IMPG2: variants seen among roughly 807,000 people sequenced by gnomAD.
The protein encoded by IMPG2 is interphotoreceptor matrix proteoglycan 2.
In IMPG2, 91 loss-of-function variants were observed where a neutral mutation model predicts 129.2. The observed-to-expected ratio is 0.70, with a 90% CI of 0.59 to 0.84. The LOEUF is 0.84. Among genes scored for constraint, IMPG2 ranks in the 40% least tolerant of loss-of-function variants. The probability of loss-of-function intolerance (pLI) is 0.00; values close to 1 mark genes in which losing one functional copy is unlikely to be tolerated. For synonymous variants in IMPG2, 510 were observed against 517.7 expected, an observed-to-expected ratio of 0.99 and a Z score of 0.20; for missense variants, 1,430 against 1,461.7, an observed-to-expected ratio of 0.98 and a Z score of 0.35.
At position 101,257,586 on chromosome 3, in the gene IMPG2, A is replaced by T. The variant is rs767581266; in HGVS notation, c.1096T>A (p.Phe366Ile). Residue 366 changes from phenylalanine to isoleucine, a missense_variant, in exon 10 of 19, where the codon TTT (phenylalanine) becomes ATT (isoleucine). Phe to Ile is a conservative substitution (Grantham distance 21, BLOSUM62 0). Transcript: ENST00000193391. Reference sequence around the variant, plus strand: ...TTCAAGGAAGAGTTCCCCAGCAAAAAATTCTGCTGCAATGTCTCAGCAATA... The same window carrying T: ...TTCAAGGAAGAGTTCCCCAGCAAAATATTCTGCTGCAATGTCTCAGCAATA... ...DYIAETLQQN[F>I]LLGNSSLNPD... 6.2e-7 allele frequency: 1 copy of T among 1,613,356 alleles called. No homozygotes were observed. Among genetic ancestry groups the T allele is most frequent in the African/African-American group, 1.3e-5 (1 of 74,976 alleles).
chr3:101,238,924 C>A (rs576012727), intron 14 of IMPG2, among the ~76,000 whole-genome samples: 3 of 152,220 alleles, frequency 2.0e-5, no homozygotes, highest in South Asian at 4.1e-4. Flanking sequence ...CACAGACTGG[C>A]AAAATGGATA....
Position 101,242,916 on chromosome 3 carries a change from T to C in IMPG2, c.2803-9A>G, listed in dbSNP as rs759036908. The C allele has an allele frequency of 1.2e-6, 2 of 1,608,902 alleles. No homozygotes were observed. Among genetic ancestry groups the C allele is most frequent in the Admixed American group, 1.7e-5 (1 of 59,980 alleles). ...TGGAGATAGGGAACCAGCTACAATA[T>C]ACAAAAGTGGTAAGTTTATTGACAG... On this transcript the variant is annotated splice_polypyrimidine_tract_variant and intron_variant, in intron 13 of 18. Coordinates refer to ENST00000193391, the MANE Select transcript of IMPG2 (RefSeq NM_016247.4).
chr3:101,273,593 T>A lies in IMPG2; in HGVS notation c.816A>T (p.Glu272Asp). The A allele has an allele frequency of 6.2e-7, 1 of 1,613,998 alleles. No individual in the cohort carries two copies. Among genetic ancestry groups the A allele is most frequent in the Non-Finnish European group, 8.5e-7 (1 of 1,179,974 alleles). The change falls in exon 7 of 19, where the codon GAA (glutamate) becomes GAT (aspartate). Residue 272 changes from glutamate to aspartate, a missense_variant. Physicochemically the swap from Glu to Asp is conservative, Grantham distance 45. Coordinates refer to ENST00000193391, the MANE Select transcript of IMPG2 (RefSeq NM_016247.4). ...SSFHHQHLEE[E>D]FISEVENAFT... is the part of the protein sequence containing the mutation. ...TTTAATCACCCACCTCTGAAATAAA[T>A]TCTTCTTCAAGGTGCTGGTGGTGAA...
At chr3:101,241,189 A>G (rs1354909158) in intron 14 of IMPG2, among the ~76,000 whole-genome samples, 1 of 152,224 alleles carries the variant, frequency 6.6e-6, no homozygotes, top group African/African-American at 2.4e-5. Flanking sequence ...TAACATTATT[A>G]CAATGATCAT....
chr3:101,238,309 CAGG>C (rs1468061984), intron 14 of IMPG2, among the ~76,000 whole-genome samples: 1 of 152,054 alleles, frequency 6.6e-6, no homozygotes, highest in Non-Finnish European at 1.5e-5. Flanking sequence ...GGATATTATC[CAGG>C]AGAACTTCCC....
chr3:101,301,918 C>T (rs937018219), intron 3 of IMPG2, among the ~76,000 whole-genome samples: 1 of 152,196 alleles, frequency 6.6e-6, no homozygotes, highest in Non-Finnish European at 1.5e-5. Context: ...AACTTACCTA[C>T]CTACAACCCT....
At chr3:101,269,487 A>G (rs771003432) in intron 8 of IMPG2, 28 bp downstream of exon 8, 13 of 1,277,890 alleles carry the variant, frequency 1.0e-5, no homozygotes, top group South Asian at 8.4e-5. Flanking sequence ...ACTACTGAAA[A>G]TGTGCATATT....
At chr3:101,237,615 C>A (rs1706361451) in intron 14 of IMPG2, among the ~76,000 whole-genome samples, 1 of 152,136 alleles carries the variant, frequency 6.6e-6, no homozygotes, top group South Asian at 2.1e-4. Flanking sequence ...AGCAGACCTG[C>A]AGCAGAGAAG....
intron 11 of IMPG2, among the ~76,000 whole-genome samples, chr3:101,251,145 A>G (rs1328543190): frequency 6.6e-6 from 1 of 152,214 alleles, no homozygotes; most frequent in Non-Finnish European, 1.5e-5. Flanking sequence ...GAGTTTTATC[A>G]GACAGAGCGC....
rs148215549 is a variant in IMPG2 at position 101,248,090 on chromosome 3, A to G, written c.1240-1985T>C. On this transcript the variant is annotated intron_variant, in intron 11 of 18. Coordinates refer to ENST00000193391, the MANE Select transcript of IMPG2 (RefSeq NM_016247.4). ...ATGGCCGTGAAATAAAACAGAACATACTGGCCCATGAAGAGAGCTAACCCA... is the reference window on the plus strand; with the variant it reads ...ATGGCCGTGAAATAAAACAGAACATGCTGGCCCATGAAGAGAGCTAACCCA... Among the ~76,000 whole-genome samples, 94 of 152,196 alleles carry G rather than the reference A, an allele frequency of 6.2e-4. 3 individuals are homozygous for G. The East Asian group carries it at 0.016, about 27-fold the overall frequency.
chr3:101,248,672 G>A (rs1306901115), intron 11 of IMPG2, among the ~76,000 whole-genome samples: 1 of 152,150 alleles, frequency 6.6e-6, no homozygotes, highest in Non-Finnish European at 1.5e-5. Flanking sequence ...AAAGTCATTG[G>A]CTCTATAGAG....
At chr3:101,305,077 CA>C (rs1410495731) in intron 2 of IMPG2, among the ~76,000 whole-genome samples, 2 of 151,866 alleles carry the variant, frequency 1.3e-5, no homozygotes, top group Non-Finnish European at 2.9e-5. Flanking sequence ...TCATAATTGC[CA>C]AAACTTGGGG....
At chr3:101,285,724 T>C (rs148373347) in intron 4 of IMPG2, among the ~76,000 whole-genome samples, 3 of 152,322 alleles carry the variant, frequency 2.0e-5, no homozygotes, top group African/African-American at 7.2e-5. Flanking sequence ...TTTCAGCAGA[T>C]ATGATTTTGA....
At chr3:101,310,407 A>G (rs1354865706) in intron 2 of IMPG2, among the ~76,000 whole-genome samples, 1 of 151,940 alleles carries the variant, frequency 6.6e-6, no homozygotes, top group Non-Finnish European at 1.5e-5. Flanking sequence ...AATTACAAAG[A>G]AATTAGCCGG....
In IMPG2 at chr3:101,242,721, C is replaced by A; in HGVS notation, c.2989G>T (p.Ala997Ser). 6.2e-7 allele frequency: 1 copy of A among 1,613,796 alleles called. No homozygotes were observed. The highest frequency in any genetic ancestry group is 8.5e-7 in the Non-Finnish European group (1 of 1,179,776). Residue 997 changes from alanine (A) to serine (S), a missense_variant, in exon 14 of 19, where the codon GCT (alanine) becomes TCT (serine). Physicochemically the swap from Ala to Ser is moderately conservative, Grantham distance 99 (BLOSUM62 1). Transcript: ENST00000193391. ...CTTAYNTMNL[A>S]IDKYSLDVES... is the part of the protein sequence containing the mutation. ...ACATCAAGAGAGTATTTATCAATAG[C>A]CAAGTTCATGGTATTGTAGGCAGTG...
chr3:101,263,812 T>C (rs138077652), intron 9 of IMPG2, among the ~76,000 whole-genome samples: 209 of 149,154 alleles, frequency 1.4e-3, no homozygotes, highest in Non-Finnish European at 2.6e-3. Context: ...TAGTTAGACT[T>C]ATGGTCTATA....
Position 101,257,755 on chromosome 3 carries a change from A to G in IMPG2, c.927T>C (p.Tyr309=). ...TGGCCTCACCATTGAAGGTAACTGC[A>G]TAGTAAACATCTACGCCACTATGGA... ...KENDSGVDVY[Y]AVTFNGEAIS... Residue 309 remains tyrosine (Y), a synonymous_variant, in exon 10 of 19, where the codon TAT becomes TAC. Transcript: ENST00000193391. 1 of 1,613,272 alleles carries G rather than the reference A, an allele frequency of 6.2e-7. No individual in the cohort carries two copies. Among genetic ancestry groups the G allele is most frequent in the South Asian group, 1.1e-5 (1 of 91,072 alleles).
At chr3:101,277,655 C>T (rs1189203555) in intron 4 of IMPG2, among the ~76,000 whole-genome samples, 4 of 152,152 alleles carry the variant, frequency 2.6e-5, no homozygotes, top group Non-Finnish European at 4.4e-5. Flanking sequence ...CATCAGGTCT[C>T]CTGGCTGTTG....
intron 14 of IMPG2, among the ~76,000 whole-genome samples, chr3:101,236,677 T>C (rs551748749): frequency 2.6e-5 from 4 of 152,192 alleles, no homozygotes; most frequent in Admixed American, 6.5e-5. Context: ...CCAGATATTA[T>C]GCTTTTCCCA....
Sources: gnomAD v4.1 joint callset for allele counts (sites outside exome capture counted in the v4.1 genomes callset) on GRCh38, gnomAD v4.1.1 for gene constraint, MANE v1.5 for transcripts, NCBI Gene and HGNC (gene_info 2026-07-23, HGNC 2026-07-21) for gene names.